PLXNB1: variants seen among roughly 807,000 people sequenced by gnomAD.
PLXNB1 encodes the protein plexin-B1.
PLXNB1 carries 106 observed loss-of-function variants against 209.4 expected under a neutral mutation model. That is an observed-to-expected ratio of 0.51 (90% CI 0.43 to 0.59). The LOEUF (loss-of-function observed/expected upper bound fraction) is 0.59. Ranked by LOEUF, PLXNB1 falls within the 20% of genes least tolerant of loss-of-function variation. PLXNB1 has a pLI of 0.00. For missense variants in PLXNB1, 2,357 were observed against 2,853.2 expected, an observed-to-expected ratio of 0.83 and a Z score of 3.96; for synonymous variants, 1,167 against 1,183.2, an observed-to-expected ratio of 0.99 and a Z score of 0.28.
In PLXNB1 at chr3:48,424,240, C is replaced by T. The variant is rs2038754469; in HGVS notation, c.372G>A (p.Leu124=). The T allele has an allele frequency of 1.4e-5, 22 of 1,602,296 alleles. No individual in the cohort carries two copies. The East Asian group carries it at 5.0e-4, about 36-fold the overall frequency. ...VHQGVCEQRR[L]GQLEQLLLRP... ...GCAGCAGCAGCTGCTCGAGCTGCCC[C>T]AGGCGCCGCTGTTCACAGACCCCCT... The change falls in exon 3 of 38, where the codon CTG becomes CTA. Residue 124 remains leucine (L), a synonymous_variant. Coordinates refer to ENST00000296440, the MANE Select transcript of PLXNB1 (RefSeq NM_001130082.3).
intron 4 of PLXNB1, 100 bp downstream of exon 4, chr3:48,422,665 T>C: frequency 2.2e-6 from 3 of 1,370,790 alleles, no homozygotes; most frequent in Admixed American, 2.2e-5. Context: ...TCATCTCTCC[T>C]GGCCCAGGGG....
At position 48,424,776 on chromosome 3, in the gene PLXNB1, G is replaced by A. The variant is rs912525754; in HGVS notation, c.-6-159C>T. On this transcript the variant is annotated intron_variant, in intron 2 of 37. Coordinates refer to ENST00000296440, the MANE Select transcript of PLXNB1 (RefSeq NM_001130082.3). Reference sequence around the variant, plus strand: ...GCTTCTTAGATAGGCACTATGTCCAGGATGACCCCAGGACCACACACTAGA... The same window carrying A: ...GCTTCTTAGATAGGCACTATGTCCAAGATGACCCCAGGACCACACACTAGA... 2.6e-5 allele frequency among the ~76,000 whole-genome samples: 4 copies of A among 152,278 alleles called. No homozygotes were observed. The South Asian group carries it at 8.3e-4, about 32-fold the overall frequency.
rs968058349 is a variant in PLXNB1, at chr3:48,417,388, G to A, written c.3374+523C>T. Among the ~76,000 whole-genome samples, 23 of 152,206 alleles carry A rather than the reference G, an allele frequency of 1.5e-4. No homozygotes were observed. Among genetic ancestry groups the A allele is most frequent in the African/African-American group, 5.5e-4 (23 of 41,442 alleles). On this transcript the variant is annotated intron_variant, in intron 16 of 37. Transcript: ENST00000296440. The surrounding 1 kb of genome is among the most constrained non-coding windows in gnomAD (Gnocchi z 4.4). ...TGTACCTTTGGGGCCTGCAACCGCT[G>A]GCCAGGTTACCATAACCCAGGAGCC...
intron 8 of PLXNB1, 49 bp downstream of exon 8, chr3:48,421,179 C>A (rs774928595): frequency 6.3e-7 from 1 of 1,588,504 alleles, no homozygotes; most frequent in South Asian, 1.1e-5. Context: ...CACCGCATCC[C>A]CTGAAGCAGG....
chr3:48,424,705 G>A (rs1365354697), intron 2 of PLXNB1, 88 bp from the exon 3 acceptor site: 2 of 1,350,682 alleles, frequency 1.5e-6, no homozygotes, highest in East Asian at 5.0e-5. Flanking sequence ...CTGTGGCATT[G>A]CCAAGATGCT....
In PLXNB1 at chr3:48,417,796, C is replaced by T. The variant is rs948106760; in HGVS notation, c.3374+115G>A. The T allele has an allele frequency of 2.5e-6, 3 of 1,180,334 alleles. No homozygotes were observed. The African/African-American group carries it at 4.6e-5, about 18-fold the overall frequency. The allele number at this position is 1,180,334 out of a possible 1,614,324, so 73.1% of individuals were successfully genotyped here. On this transcript the variant is annotated intron_variant, in intron 16 of 37. Coordinates refer to ENST00000296440, the MANE Select transcript of PLXNB1 (RefSeq NM_001130082.3). This position sits in a 1 kb window ranked among gnomAD's most constrained non-coding sequence, Gnocchi z 4.4. Reference sequence around the variant, plus strand: ...GGCACTCGGGCATTGTGGCCAGGATCAAGGAACAGGGAGAGAGGGGGGCAG... The same window carrying T: ...GGCACTCGGGCATTGTGGCCAGGATTAAGGAACAGGGAGAGAGGGGGGCAG...
upstream of PLXNB1, chr3:48,430,190 T>A (rs2039124772): frequency 6.6e-6 from 1 of 152,398 alleles, no homozygotes; most frequent in African/African-American, 2.4e-5. Flanking sequence ...CCATGTAACC[T>A]GACACCAACC....
chr3:48,407,018 C>G lies in PLXNB1; in HGVS notation c.6152+9G>C. 3.1e-6 allele frequency: 5 copies of G among 1,614,058 alleles called. No individual in the cohort carries two copies. Among genetic ancestry groups the G allele is most frequent in the Non-Finnish European group, 4.2e-6 (5 of 1,179,940 alleles). On this transcript the variant is annotated intron_variant, in intron 35 of 37. Transcript: ENST00000296440. ...CCCTCCAACCTCTACCCACCGTGCC[C>G]TCCAGTACCTTTCCACCATCCGCTT... is the stretch of plus-strand genomic sequence containing the variant.
In PLXNB1 at chr3:48,418,255, G is replaced by A. The variant is rs1206372903; in HGVS notation, c.3158C>T (p.Thr1053Ile). The change falls in exon 15 of 38, where the codon ACC becomes ATC. Residue 1053 changes from threonine to isoleucine, a missense_variant. Coordinates refer to ENST00000296440, the MANE Select transcript of PLXNB1 (RefSeq NM_001130082.3). This position sits in a 1 kb window ranked among gnomAD's most constrained non-coding sequence, Gnocchi z 6.6. Reference protein sequence around the residue: ...WCEGERPRCVTREACGEAEAV... With the variant: ...WCEGERPRCVIREACGEAEAV... ...CTCAGCCTCACCACAGGCCTCCCGG[G>A]TCACACAACGTGGACGCTCCCCCTC... The A allele has an allele frequency of 6.2e-7, 1 of 1,613,312 alleles. No individual in the cohort carries two copies. The highest frequency in any genetic ancestry group is 8.5e-7 in the Non-Finnish European group (1 of 1,179,972).
chr3:48,410,389 C>T lies in PLXNB1; in HGVS notation c.5521-9G>A, dbSNP rs770053920. On this transcript the variant is annotated splice_polypyrimidine_tract_variant and intron_variant, in intron 30 of 37. Transcript: ENST00000296440. This position sits in a 1 kb window ranked among gnomAD's most constrained non-coding sequence, Gnocchi z 6.4. ...GTTGCTCCATCTGGGACCTGCTGAG[C>T]ACAGCTGGTGATCCCTCCACCAGTC... 3.1e-6 allele frequency: 5 copies of T among 1,613,174 alleles called. No individual in the cohort carries two copies. Among genetic ancestry groups the T allele is most frequent in the Middle Eastern group, 1.7e-4 (1 of 6,056 alleles).
rs1044075136 is a variant in PLXNB1, at chr3:48,419,596, G to A, written c.2690C>T (p.Thr897Ile). 7 of 1,609,942 alleles carry A rather than the reference G, an allele frequency of 4.3e-6. No homozygotes were observed. Among genetic ancestry groups the A allele is most frequent in the South Asian group, 3.3e-5 (3 of 91,026 alleles). ...LPSSLDYQYD[T>I]PGLWELEEAT... is the part of the protein sequence containing the mutation. ...CCTCACCAGCTCCCAGAGCCCGGGG[G>A]TGTCATACTGGTAGTCGAGGCTGGA... The change falls in exon 11 of 38, where the codon ACC (threonine) becomes ATC (isoleucine). Residue 897 changes from threonine to isoleucine, a missense_variant. Transcript: ENST00000296440. The surrounding 1 kb of genome is among the most constrained non-coding windows in gnomAD (Gnocchi z 5.7).
rs2037626024 is a variant in PLXNB1, at chr3:48,410,747, C to G, written c.5416+121G>C. The G allele has an allele frequency of 1.1e-5, 12 of 1,088,802 alleles. No homozygotes were observed. Among genetic ancestry groups the G allele is most frequent in the African/African-American group, 1.6e-5 (1 of 63,392 alleles). 67.4% of individuals were successfully genotyped at this position (1,088,802 alleles called of 1,614,324 possible). A position where few individuals can be genotyped will look rare whatever the true frequency, so the allele number is the denominator to read the frequency against. The stretch of plus-strand genomic sequence containing the variant: ...TCCAAGAAAGATGTTCCAAAGCCAG[C>G]TTCTGCCTGCCTCCCAGCATCCTCC... On this transcript the variant is annotated intron_variant, in intron 29 of 37. Transcript: ENST00000296440. The surrounding 1 kb of genome is among the most constrained non-coding windows in gnomAD (Gnocchi z 6.4).
chr3:48,413,501 G>A lies in PLXNB1; in HGVS notation c.4535+169C>T, dbSNP rs2037841893. Reference sequence around the variant, plus strand: ...CGTCCCTGGCTGCCTTTGTGCCACAGTGGCAAAGCTGAGTTGTTGAACAGA... The same window carrying A: ...CGTCCCTGGCTGCCTTTGTGCCACAATGGCAAAGCTGAGTTGTTGAACAGA... On this transcript the variant is annotated intron_variant, in intron 23 of 37. Coordinates refer to ENST00000296440, the MANE Select transcript of PLXNB1 (RefSeq NM_001130082.3). This position sits in a 1 kb window ranked among gnomAD's most constrained non-coding sequence, Gnocchi z 5.4. The A allele has an allele frequency of 5.8e-6, 4 of 687,124 alleles. No individual in the cohort carries two copies. The highest frequency in any genetic ancestry group is 8.3e-4 in the Middle Eastern group (2 of 2,424). 42.6% of individuals were successfully genotyped at this position (687,124 alleles called of 1,614,324 possible). A position where few individuals can be genotyped will look rare whatever the true frequency, so the allele number is the denominator to read the frequency against.
chr3:48,419,091 A>T lies in PLXNB1; in HGVS notation c.2833-52T>A. The T allele has an allele frequency of 6.2e-7, 1 of 1,603,804 alleles. No individual in the cohort carries two copies. Among genetic ancestry groups the T allele is most frequent in the Non-Finnish European group, 8.5e-7 (1 of 1,172,326 alleles). On this transcript the variant is annotated intron_variant, in intron 12 of 37. Transcript: ENST00000296440. The surrounding 1 kb of genome is among the most constrained non-coding windows in gnomAD (Gnocchi z 5.7). ...GCAGCTTCAGGAGCTGGGCCCAGGGAGTCCTGCAGGTCACCCAACAGATCC... is the reference window on the plus strand; with the variant it reads ...GCAGCTTCAGGAGCTGGGCCCAGGGTGTCCTGCAGGTCACCCAACAGATCC...
rs1170370298 is a variant in PLXNB1 at position 48,415,827 on chromosome 3, C to T, written c.3618-68G>A. The T allele has an allele frequency of 4.8e-6, 7 of 1,456,198 alleles. No homozygotes were observed. The highest frequency in any genetic ancestry group is 6.5e-6 in the Non-Finnish European group (7 of 1,079,582). The allele number at this position is 1,456,198 out of a possible 1,614,324, so 90.2% of individuals were successfully genotyped here. A position where few individuals can be genotyped will look rare whatever the true frequency, so the allele number is the denominator to read the frequency against. On this transcript the variant is annotated intron_variant, in intron 18 of 37. Coordinates refer to ENST00000296440, the MANE Select transcript of PLXNB1 (RefSeq NM_001130082.3). The surrounding 1 kb of genome is among the most constrained non-coding windows in gnomAD (Gnocchi z 5.0). ...AAAACTTGGACCACTCAGGCCCCAA[C>T]TGGCTTCCCTCAAGCGCTGACTGCA...
chr3:48,404,165 A>G lies in PLXNB1; in HGVS notation c.*321T>C. The G allele has an allele frequency of 6.7e-6, 2 of 297,264 alleles. No homozygotes were observed. Among genetic ancestry groups the G allele is most frequent in the Non-Finnish European group, 6.3e-6 (1 of 159,376 alleles). 18.4% of individuals were successfully genotyped at this position (297,264 alleles called of 1,614,324 possible). A position where few individuals can be genotyped will look rare whatever the true frequency, so the allele number is the denominator to read the frequency against. On this transcript the variant is annotated 3_prime_UTR_variant, in exon 38 of 38. Transcript: ENST00000296440. ...AGTGTGGCCAAGGCCAGTGTTCAGGAACAGTACAGTCTCCCCAGGGGCCTG... is the reference window on the plus strand; with the variant it reads ...AGTGTGGCCAAGGCCAGTGTTCAGGGACAGTACAGTCTCCCCAGGGGCCTG...
chr3:48,406,993 C>T lies in PLXNB1; in HGVS notation c.6152+34G>A. 6.2e-7 allele frequency: 1 copy of T among 1,611,974 alleles called. No homozygotes were observed. Among genetic ancestry groups the T allele is most frequent in the Non-Finnish European group, 8.5e-7 (1 of 1,178,046 alleles). On this transcript the variant is annotated intron_variant, in intron 35 of 37. Coordinates refer to ENST00000296440, the MANE Select transcript of PLXNB1 (RefSeq NM_001130082.3). The surrounding 1 kb of genome is among the most constrained non-coding windows in gnomAD (Gnocchi z 4.4). ...ACCCCCCAAGCCTCAGCTGCACACG[C>T]CCTCCAACCTCTACCCACCGTGCCC...
chr3:48,413,918 G>C lies in PLXNB1; in HGVS notation c.4363C>G (p.Pro1455Ala). The C allele has an allele frequency of 1.2e-6, 2 of 1,610,880 alleles. No individual in the cohort carries two copies. The highest frequency in any genetic ancestry group is 1.7e-6 in the Non-Finnish European group (2 of 1,178,148). Residue 1455 changes from proline (P) to alanine (A), a missense_variant, in exon 22 of 38, where the codon CCT becomes GCT. Pro to Ala is a conservative substitution (Grantham distance 27). Coordinates refer to ENST00000296440, the MANE Select transcript of PLXNB1 (RefSeq NM_001130082.3). The surrounding 1 kb of genome is among the most constrained non-coding windows in gnomAD (Gnocchi z 5.4). ...LPRHHALREA[P>A]DSLPEFTVQM... ...ACCGTGAACTCAGGCAAAGAGTCAG[G>C]TGCCTCTCGGAGGGCATGGTGCCGT...
rs745424398 is a variant in PLXNB1 at position 48,419,298 on chromosome 3, C to T, written c.2778G>A (p.Pro926=). 5.6e-6 allele frequency: 9 copies of T among 1,598,560 alleles called. No homozygotes were observed. The highest frequency in any genetic ancestry group is 4.4e-5 in the South Asian group (4 of 89,978). The change falls in exon 12 of 38, where the codon CCG becomes CCA. Residue 926 remains proline (P), a synonymous_variant. Coordinates refer to ENST00000296440, the MANE Select transcript of PLXNB1 (RefSeq NM_001130082.3). The surrounding 1 kb of genome is among the most constrained non-coding windows in gnomAD (Gnocchi z 5.7). Reference sequence around the variant, plus strand: ...GCCGGATTTCCCGCTCCACATGGACCGGCATCAACGTGGAGCCCTGAACGC... The same window carrying T: ...GCCGGATTTCCCGCTCCACATGGACTGGCATCAACGTGGAGCCCTGAACGC... ...VESVQGSTLM[P]VHVEREIRLL...
Sources: allele counts gnomAD v4.1 joint callset (sites outside exome capture counted in the v4.1 genomes callset), GRCh38; gene constraint gnomAD v4.1.1; non-coding constraint Gnocchi (gnomAD v3.1); transcripts MANE v1.5; gene names NCBI Gene and HGNC (gene_info 2026-07-23, HGNC 2026-07-21).